The following BBX variants were observed in gnomAD, a reference collection of about 807,000 sequenced individuals.
The protein encoded by BBX is HMG box transcription factor BBX.
In BBX, 30 loss-of-function variants were observed where a neutral mutation model predicts 100.2. That is an observed-to-expected ratio of 0.30 (90% CI 0.22 to 0.41). The LOEUF (loss-of-function observed/expected upper bound fraction) is 0.41, where lower values mean the gene tolerates loss of function less well. Among genes scored for constraint, BBX ranks in the 10% least tolerant of loss-of-function variants. The pLI is 1.00. For missense variants in BBX, 1,023 were observed against 1,129.8 expected (o/e 0.91, Z 1.35); for synonymous variants, 376 against 388.1 (o/e 0.97, Z 0.37).
At chr3:107,675,255 C>T (rs13087915) in intron 3 of BBX, among the ~76,000 whole-genome samples, 5 of 151,978 alleles carry the variant, frequency 3.3e-5, no homozygotes, top group Admixed American at 1.3e-4. Context: ...GCAGTTTTGA[C>T]GGAAATCAGA....
At chr3:107,641,591 A>G (rs767272056) in intron 2 of BBX, among the ~76,000 whole-genome samples, 2 of 152,148 alleles carry the variant, frequency 1.3e-5, no homozygotes, top group African/African-American at 4.8e-5. Context: ...AGTAGTTACT[A>G]TGGTTTACTG....
chr3:107,668,308 T>G (rs1370339626), intron 3 of BBX, among the ~76,000 whole-genome samples: 1 of 152,228 alleles, frequency 6.6e-6, no homozygotes, highest in Non-Finnish European at 1.5e-5. Context: ...CCAAGCACTG[T>G]GTCTCATTTG....
At position 107,592,360 on chromosome 3, in the gene BBX, CAAAA is replaced by C. The variant is rs398052177; in HGVS notation, c.-83-53456_-83-53453del. On this transcript the variant is annotated intron_variant, in intron 2 of 17. Transcript: ENST00000325805. ...TAGGTGATAGAGCGAGACCCTGTCT[CAAAA>C]AAAAAAAAAAAAAAAAAAAGGTGTA... Among the ~76,000 whole-genome samples, 9 of 74,886 alleles carry C rather than the reference CAAAA, an allele frequency of 1.2e-4. No individual in the cohort carries two copies. The Admixed American group carries it at 1.5e-3, about 13-fold the overall frequency. 49.1% of individuals were successfully genotyped at this position (74,886 alleles called of 152,430 possible).
At chr3:107,637,232 A>G (rs191734390) in intron 2 of BBX, among the ~76,000 whole-genome samples, 90 of 152,234 alleles carry the variant, frequency 5.9e-4, no homozygotes, top group African/African-American at 2.2e-3. Flanking sequence ...TCACTTCTAC[A>G]GCTAACAGGC....
chr3:107,686,555 G>C (rs1468967635), intron 3 of BBX, among the ~76,000 whole-genome samples: 1 of 152,140 alleles, frequency 6.6e-6, no homozygotes, highest in Non-Finnish European at 1.5e-5. Flanking sequence ...GGACTTTGCA[G>C]TATCAATAAT....
At chr3:107,745,814 A>G (rs2064538972) in intron 8 of BBX, among the ~76,000 whole-genome samples, 1 of 152,100 alleles carries the variant, frequency 6.6e-6, no homozygotes, top group Non-Finnish European at 1.5e-5. Flanking sequence ...CCCAACTTTG[A>G]AAGCAGAACG....
chr3:107,564,999 A>G (rs1327679708), intron 2 of BBX, among the ~76,000 whole-genome samples: 1 of 152,156 alleles, frequency 6.6e-6, no homozygotes, highest in Non-Finnish European at 1.5e-5. Flanking sequence ...TTTTTCTTCC[A>G]TCTTTCAGGA....
chr3:107,678,045 G>T (rs1576299318), intron 3 of BBX, among the ~76,000 whole-genome samples: 1 of 151,852 alleles, frequency 6.6e-6, no homozygotes, highest in South Asian at 2.1e-4. Flanking sequence ...AGGCTTTTTT[G>T]GTTTATGTGT....
intron 10 of BBX, among the ~76,000 whole-genome samples, chr3:107,767,080 A>C (rs1445548656): frequency 1.3e-5 from 2 of 152,244 alleles, no homozygotes. Context: ...GAGGGAGAGC[A>C]TTAGGACAAA....
intron 2 of BBX, among the ~76,000 whole-genome samples, chr3:107,614,341 C>G (rs2107665568): frequency 6.6e-6 from 1 of 152,178 alleles, no homozygotes; most frequent in African/African-American, 2.4e-5. Flanking sequence ...TAAGAAGTAA[C>G]AGTTATAGTT....
At chr3:107,700,135 T>A (rs1275989601) in intron 3 of BBX, among the ~76,000 whole-genome samples, 1 of 151,826 alleles carries the variant, frequency 6.6e-6, no homozygotes, top group East Asian at 1.9e-4. Context: ...AGGCAGGTCT[T>A]TAGACTTGAG....
At chr3:107,529,812 G>C (rs980966388) in intron 2 of BBX, among the ~76,000 whole-genome samples, 7 of 152,084 alleles carry the variant, frequency 4.6e-5, no homozygotes, top group African/African-American at 7.2e-5. Flanking sequence ...TGTATTAATG[G>C]GGATTGTCTT....
chr3:107,778,146 A>C (rs1164732585), intron 12 of BBX, among the ~76,000 whole-genome samples: 2 of 152,158 alleles, frequency 1.3e-5, no homozygotes, highest in African/African-American at 4.8e-5. Context: ...TGATGTTTCT[A>C]CTTTTCTAAG....
chr3:107,747,250 T>TG lies in BBX; in HGVS notation c.751-715_751-714insG, dbSNP rs1491114387. Among the ~76,000 whole-genome samples, 334 of 152,012 alleles carry TG rather than the reference T, an allele frequency of 2.2e-3. 1 individual carries two copies. Among genetic ancestry groups the TG allele is most frequent in the African/African-American group, 7.8e-3 (321 of 41,368 alleles). On this transcript the variant is annotated intron_variant, in intron 8 of 17. Transcript: ENST00000325805. ...GTGAGTGTGTGTGTGTGTGTGTGTGTTTGTGTTGGGTGGGAGGACGCAGGT... is the reference window on the plus strand; with the variant it reads ...GTGAGTGTGTGTGTGTGTGTGTGTGTGTTGTGTTGGGTGGGAGGACGCAGGT...
chr3:107,782,683 T>A (rs1482689734), intron 13 of BBX, among the ~76,000 whole-genome samples: 1 of 152,104 alleles, frequency 6.6e-6, no homozygotes, highest in Non-Finnish European at 1.5e-5. Context: ...GCACCCCTCC[T>A]AATCTCTCGG....
At chr3:107,646,497 T>C (rs1366783799) in intron 3 of BBX, among the ~76,000 whole-genome samples, 1 of 152,186 alleles carries the variant, frequency 6.6e-6, no homozygotes. Context: ...ATGTTAGTTA[T>C]TTTCAAAGCT....
At chr3:107,756,736 G>A (rs910208907) in intron 10 of BBX, among the ~76,000 whole-genome samples, 6 of 152,136 alleles carry the variant, frequency 3.9e-5, no homozygotes, top group South Asian at 2.1e-4. Context: ...ACAATGACAC[G>A]CTTCTTGTGT....
At chr3:107,691,391 T>G (rs1348944563) in intron 3 of BBX, among the ~76,000 whole-genome samples, 1 of 152,192 alleles carries the variant, frequency 6.6e-6, no homozygotes, top group African/African-American at 2.4e-5. Flanking sequence ...ACATTCATTC[T>G]AAACACATAA....
rs556412163 is a variant in BBX, at chr3:107,652,280, AT to A, written c.-10+6374del. Among the ~76,000 whole-genome samples the A allele has an allele frequency of 1.2e-3, 179 of 152,230 alleles. 1 individual carries two copies. Among genetic ancestry groups the A allele is most frequent in the Middle Eastern group, 3.4e-3 (1 of 294 alleles). On this transcript the variant is annotated intron_variant, in intron 3 of 17. Coordinates refer to ENST00000325805, the MANE Select transcript of BBX (RefSeq NM_001142568.3). ...ACTAGAATAATTTTAGTTTCTAGTG[AT>A]TTGGCATTTGTCTAAAAAATGTAAT...
Sources: gnomAD v4.1 joint callset for allele counts (sites outside exome capture counted in the v4.1 genomes callset) on GRCh38, gnomAD v4.1.1 for gene constraint, MANE v1.5 for transcripts, NCBI Gene and HGNC (gene_info 2026-07-23, HGNC 2026-07-21) for gene names.